SLC35F3: variants seen among roughly 807,000 people sequenced by gnomAD.
SLC35F3 encodes the protein solute carrier family 35 member F3.
SLC35F3 carries 25 observed loss-of-function variants against 49.9 expected under a neutral mutation model. That is an observed-to-expected ratio of 0.50 (90% CI 0.37 to 0.70). SLC35F3 has a LOEUF of 0.70. Ranked by LOEUF, SLC35F3 falls within the 30% of genes least tolerant of loss-of-function variation. The pLI is 0.00. For synonymous variants in SLC35F3, 275 were observed against 265.4 expected (o/e 1.04, Z -0.35); for missense variants, 525 against 639.8 (o/e 0.82, Z 1.94).
chr1:234,115,361 T>C (rs1665470930), intron 2 of SLC35F3, among the ~76,000 whole-genome samples: 1 of 152,196 alleles, frequency 6.6e-6, no homozygotes, highest in African/African-American at 2.4e-5. Context: ...GTGTCCTTTG[T>C]CCTCTGGTCC....
At chr1:233,940,834 G>C (rs1005982514) in intron 2 of SLC35F3, among the ~76,000 whole-genome samples, 2 of 152,026 alleles carry the variant, frequency 1.3e-5, no homozygotes, top group Non-Finnish European at 2.9e-5. Context: ...TGGATTTTTA[G>C]ACATGCAATT....
At chr1:234,173,011 C>G (rs922841530) in intron 2 of SLC35F3, among the ~76,000 whole-genome samples, 1 of 152,160 alleles carries the variant, frequency 6.6e-6, no homozygotes, top group African/African-American at 2.4e-5. Flanking sequence ...AGGAAATTCT[C>G]ATTGACACAA....
At chr1:234,090,173 A>G (rs1002334340) in intron 2 of SLC35F3, among the ~76,000 whole-genome samples, 6 of 152,262 alleles carry the variant, frequency 3.9e-5, no homozygotes, top group Non-Finnish European at 7.3e-5. Flanking sequence ...GCATTGCTTC[A>G]TGTCGTTCAC....
At chr1:234,237,055 C>A (rs2102954553) in intron 3 of SLC35F3, among the ~76,000 whole-genome samples, 1 of 149,748 alleles carries the variant, frequency 6.7e-6, no homozygotes, top group African/African-American at 2.5e-5. Context: ...ACTCCAAATT[C>A]AGCTGAAGGC....
chr1:233,907,882 C>T (rs977215341), intron 2 of SLC35F3, among the ~76,000 whole-genome samples: 17 of 152,174 alleles, frequency 1.1e-4, no homozygotes, highest in African/African-American at 4.1e-4. Context: ...TGCGCCACCA[C>T]ATCCTGCTAA....
chr1:233,972,963 A>G (rs1663019581), intron 2 of SLC35F3, among the ~76,000 whole-genome samples: 1 of 152,178 alleles, frequency 6.6e-6, no homozygotes, highest in Non-Finnish European at 1.5e-5. Context: ...TTCCCCTGTC[A>G]TATTGGTCCC....
In SLC35F3 at chr1:234,166,754, G is replaced by C. The variant is rs561880752; in HGVS notation, c.284-64663G>C. ...GATTGCACTAAAATTAAGGACTCTC[G>C]AACCATTCTGGATGCAGTAAGGCCC... On this transcript the variant is annotated intron_variant, in intron 2 of 7. Transcript: ENST00000366618. 7.9e-4 allele frequency among the ~76,000 whole-genome samples: 121 copies of C among 152,310 alleles called. 1 individual carries two copies. Among genetic ancestry groups the C allele is most frequent in the African/African-American group, 2.8e-3 (117 of 41,558 alleles).
intron 3 of SLC35F3, among the ~76,000 whole-genome samples, chr1:234,258,656 A>G (rs1183571224): frequency 1.3e-5 from 2 of 152,238 alleles, no homozygotes; most frequent in Admixed American, 6.5e-5. Flanking sequence ...AATTCTTCCC[A>G]TAGCTATCTT....
chr1:234,097,529 T>TAC (rs1043921086), intron 2 of SLC35F3, among the ~76,000 whole-genome samples: 8 of 152,168 alleles, frequency 5.3e-5, no homozygotes, highest in Non-Finnish European at 1.0e-4. Context: ...AACCAAAGTC[T>TAC]ACACACACAT....
chr1:234,066,726 C>CCTCCCTCCCTTTCTCTCTCTTTCT (rs1664622897), intron 2 of SLC35F3, among the ~76,000 whole-genome samples: 2 of 149,250 alleles, frequency 1.3e-5, no homozygotes, highest in Non-Finnish European at 3.0e-5. Flanking sequence ...TCTCTCTTTC[C>CCTCCCTCCCTTTCTCTCTCTTTCT]CTCCCTCCCT....
At chr1:233,969,399 G>A (rs1473310797) in intron 2 of SLC35F3, among the ~76,000 whole-genome samples, 2 of 152,174 alleles carry the variant, frequency 1.3e-5, no homozygotes, top group Admixed American at 6.5e-5. Context: ...TGCCATCTGC[G>A]GTGCCTCCTC....
At chr1:233,951,671 T>C (rs983247950) in intron 2 of SLC35F3, among the ~76,000 whole-genome samples, 3 of 152,100 alleles carry the variant, frequency 2.0e-5, no homozygotes, top group Non-Finnish European at 4.4e-5. Context: ...CAGTTTCTCC[T>C]GGGATATTTT....
chr1:234,052,590 T>C (rs1305979760), intron 2 of SLC35F3, among the ~76,000 whole-genome samples: 1 of 152,196 alleles, frequency 6.6e-6, no homozygotes, highest in East Asian at 1.9e-4. Flanking sequence ...AAAAATGAGC[T>C]CCTGGATTCA....
At position 234,260,516 on chromosome 1, in the gene SLC35F3, C is replaced by T. The variant is rs553031470; in HGVS notation, c.608+28775C>T. ...TCAGGATCCCAGAGAGCCCTCTGGA[C>T]GGAGATCATGGTCTTCCATACTGGG... On this transcript the variant is annotated intron_variant, in intron 3 of 7. Coordinates refer to ENST00000366618, the MANE Select transcript of SLC35F3 (RefSeq NM_173508.4). Among the ~76,000 whole-genome samples, 11 of 152,258 alleles carry T rather than the reference C, an allele frequency of 7.2e-5. No homozygotes were observed. The East Asian group carries it at 1.5e-3, about 21-fold the overall frequency.
At chr1:234,315,342 GT>G (rs1657462499) in intron 4 of SLC35F3, among the ~76,000 whole-genome samples, 1 of 152,216 alleles carries the variant, frequency 6.6e-6, no homozygotes, top group Admixed American at 6.5e-5. Context: ...AACATCTTTT[GT>G]TTTAACTACT....
At chr1:234,004,469 A>T (rs1663600079) in intron 2 of SLC35F3, among the ~76,000 whole-genome samples, 4 of 152,154 alleles carry the variant, frequency 2.6e-5, no homozygotes, top group Admixed American at 2.6e-4. Flanking sequence ...GTAGTTAATG[A>T]CACTCAATTA....
At chr1:234,100,079 T>C (rs936367953) in intron 2 of SLC35F3, among the ~76,000 whole-genome samples, 4 of 152,240 alleles carry the variant, frequency 2.6e-5, no homozygotes, top group Non-Finnish European at 5.9e-5. Context: ...TCTTAATTCT[T>C]AATCAAGTAT....
intron 2 of SLC35F3, among the ~76,000 whole-genome samples, chr1:234,197,420 G>A (rs1666829760): frequency 6.6e-6 from 1 of 152,196 alleles, no homozygotes; most frequent in African/African-American, 2.4e-5. Flanking sequence ...TGGAGAAGAG[G>A]ACTCAGAGGA....
At chr1:233,930,375 A>G (rs1662223597) in intron 2 of SLC35F3, among the ~76,000 whole-genome samples, 1 of 152,064 alleles carries the variant, frequency 6.6e-6, no homozygotes, top group African/African-American at 2.4e-5. Flanking sequence ...AAATCTTTTG[A>G]TTTTCTTTCT....
Sources: gnomAD v4.1 joint callset for allele counts (sites outside exome capture counted in the v4.1 genomes callset) on GRCh38, gnomAD v4.1.1 for gene constraint, MANE v1.5 for transcripts, NCBI Gene and HGNC (gene_info 2026-07-23, HGNC 2026-07-21) for gene names.